B4GALNT2: variants seen among roughly 807,000 people sequenced by gnomAD.
B4GALNT2 encodes the protein beta-1,4-N-acetyl-galactosaminyltransferase 2 (SID blood group), also known as N-acetylneuraminylgalactosylglucosyl-glucoside beta-1,4-N- acetylgalactosaminyltransferase 2.
Under a neutral mutation model 51.1 loss-of-function variants are expected in B4GALNT2, and 42 were observed. That is an observed-to-expected ratio of 0.82 (90% CI 0.64 to 1.06). The LOEUF (loss-of-function observed/expected upper bound fraction) is 1.06, where lower values mean the gene tolerates loss of function less well. Ranked by LOEUF, B4GALNT2 falls within the 50% of genes least tolerant of loss-of-function variation. The pLI is 0.00. For missense variants in B4GALNT2, 602 were observed against 633.6 expected (o/e 0.95, Z 0.54); for synonymous variants, 253 against 251.7 (o/e 1.01, Z -0.05).
At position 49,175,436 on chromosome 17, in the gene B4GALNT2, A is replaced by G. The variant is rs2042981333; in HGVS notation, c.*5708A>G. 6.6e-6 allele frequency: 1 copy of G among 152,182 alleles called. No homozygotes were observed. The highest frequency in any genetic ancestry group is 2.1e-4 in the South Asian group (1 of 4,832). 9.4% of individuals were successfully genotyped at this position (152,182 alleles called of 1,614,324 possible). ...TTTGAATTTCCCCATTGTAATCTGA[A>G]TCAATGACTCCTGTATGTACTTGCA... On this transcript the variant is annotated 3_prime_UTR_variant, in exon 11 of 11. Coordinates refer to ENST00000393354, the MANE Select transcript of B4GALNT2 (RefSeq NM_001159387.2).
rs185055121 is a variant in B4GALNT2 at position 49,139,506 on chromosome 17, G to A, written c.15-1741G>A. Reference sequence around the variant, plus strand: ...CCCCCAAAGTGCTGGGATTACAGGCGTGAGACACCATGCCCAGCCTATTAT... The same window carrying A: ...CCCCCAAAGTGCTGGGATTACAGGCATGAGACACCATGCCCAGCCTATTAT... On this transcript the variant is annotated intron_variant, in intron 1 of 10. Coordinates refer to ENST00000393354, the MANE Select transcript of B4GALNT2 (RefSeq NM_001159387.2). Among the ~76,000 whole-genome samples the A allele has an allele frequency of 5.1e-3, 777 of 152,064 alleles. 9 individuals carry two copies. The highest frequency in any genetic ancestry group is 0.02 in the South Asian group (97 of 4,808).
chr17:49,160,124 T>C (rs1369121062), intron 6 of B4GALNT2, among the ~76,000 whole-genome samples: 1 of 152,286 alleles, frequency 6.6e-6, no homozygotes, highest in East Asian at 1.9e-4. Context: ...TTACAGATGA[T>C]ATTCATGACC....
At chr17:49,167,745 G>A (rs1272589905) in intron 9 of B4GALNT2, among the ~76,000 whole-genome samples, 1 of 151,882 alleles carries the variant, frequency 6.6e-6, no homozygotes, top group Admixed American at 6.6e-5. Flanking sequence ...GAGTAACTGG[G>A]ACCATAGGCA....
At chr17:49,120,390 C>T in the B4GALNT2 span, among the ~76,000 whole-genome samples, 1 of 152,020 alleles carries the variant, frequency 6.6e-6, no homozygotes, top group African/African-American at 2.4e-5. Context: ...GGAAAGGTCT[C>T]CTTGAGGAAC....
intron 3 of B4GALNT2, among the ~76,000 whole-genome samples, chr17:49,147,376 TTC>T (rs10579447): frequency 0.13 from 19,363 of 148,710 alleles, 1,533 homozygotes; most frequent in East Asian, 0.4. Flanking sequence ...TTTTCTTTCT[TTC>T]TTTTTTTTTT....
chr17:49,128,638 G>A (rs1258462237), upstream of B4GALNT2, among the ~76,000 whole-genome samples: 1 of 152,182 alleles, frequency 6.6e-6, no homozygotes, highest in Admixed American at 6.5e-5. Flanking sequence ...TTATAAAGTT[G>A]TCATTGTCCC....
intron 5 of B4GALNT2, among the ~76,000 whole-genome samples, chr17:49,158,717 G>C (rs558740471): frequency 6.9e-4 from 105 of 151,750 alleles, no homozygotes; most frequent in African/African-American, 2.5e-3. Context: ...AGGAAGAGGA[G>C]TTGTCAAAGA....
At chr17:49,153,425 A>T (rs1482776320) in intron 4 of B4GALNT2, among the ~76,000 whole-genome samples, 2 of 152,144 alleles carry the variant, frequency 1.3e-5, no homozygotes, top group Non-Finnish European at 2.9e-5. Context: ...AAAAATAGAT[A>T]AAAAATAAAT....
At chr17:49,146,839 T>C (rs12450701) in intron 3 of B4GALNT2, among the ~76,000 whole-genome samples, 25,089 of 152,166 alleles carry the variant, frequency 0.16, 2,375 homozygotes, top group East Asian at 0.44. Flanking sequence ...ACTTCTAAGA[T>C]TGGGCTCTCT....
the B4GALNT2 span, among the ~76,000 whole-genome samples, chr17:49,125,749 G>T: frequency 3.4e-5 from 4 of 116,462 alleles, 1 homozygote; most frequent in African/African-American, 1.2e-4. Context: ...GGAGGGAGGT[G>T]GGGGGGTCAG....
At chr17:49,126,374 G>A in the B4GALNT2 span, among the ~76,000 whole-genome samples, 10 of 152,120 alleles carry the variant, frequency 6.6e-5, no homozygotes, top group African/African-American at 2.2e-4. Flanking sequence ...GAAGGCTGCA[G>A]GGTGCTCTGC....
chr17:49,133,139 CG>C, intron 1 of B4GALNT2: 1 of 1,527,196 alleles, frequency 6.5e-7, no homozygotes, highest in South Asian at 1.3e-5. Context: ...GTGCGGGCTT[CG>C]GGGCTCTCTG....
chr17:49,135,157 A>G (rs2042578623), intron 1 of B4GALNT2, among the ~76,000 whole-genome samples: 1 of 152,228 alleles, frequency 6.6e-6, no homozygotes, highest in Non-Finnish European at 1.5e-5. Context: ...TAGAAAATTT[A>G]GAAGTTAAGA....
At chr17:49,165,670 C>T (rs1178515436) in intron 8 of B4GALNT2, among the ~76,000 whole-genome samples, 2 of 148,682 alleles carry the variant, frequency 1.3e-5, no homozygotes, top group African/African-American at 5.0e-5. Context: ...CCTTGCTACT[C>T]TTTCCCTCTC....
At chr17:49,138,013 G>A (rs577360161) in intron 1 of B4GALNT2, among the ~76,000 whole-genome samples, 1 of 152,230 alleles carries the variant, frequency 6.6e-6, no homozygotes, top group African/African-American at 2.4e-5. Flanking sequence ...TAATCAGATA[G>A]GCCCCACTTT....
chr17:49,132,510 G>T, upstream of B4GALNT2: 1 of 381,450 alleles, frequency 2.6e-6, no homozygotes, highest in Non-Finnish European at 4.6e-6. Flanking sequence ...AGGAAGGAAC[G>T]GTAGGGACCG....
In B4GALNT2 at chr17:49,159,235, G is replaced by A. The variant is rs1438032651; in HGVS notation, c.679+18G>A. 4 of 1,612,572 alleles carry A rather than the reference G, an allele frequency of 2.5e-6. No homozygotes were observed. Among genetic ancestry groups the A allele is most frequent in the Non-Finnish European group, 3.4e-6 (4 of 1,179,134 alleles). On this transcript the variant is annotated intron_variant, in intron 6 of 10. Coordinates refer to ENST00000393354, the MANE Select transcript of B4GALNT2 (RefSeq NM_001159387.2). ...AGACATAGGTGAGAGCCTGTCCTTGGAGTGCAAAATGCTTAGGGATCCAGA... is the reference window on the plus strand; with the variant it reads ...AGACATAGGTGAGAGCCTGTCCTTGAAGTGCAAAATGCTTAGGGATCCAGA...
intron 3 of B4GALNT2, among the ~76,000 whole-genome samples, chr17:49,143,094 CA>C (rs2042660189): frequency 6.6e-6 from 1 of 151,882 alleles, no homozygotes; most frequent in Non-Finnish European, 1.5e-5. Flanking sequence ...ACTAAAAATA[CA>C]AAAATTAGCT....
At chr17:49,153,184 G>T (rs551076950) in intron 4 of B4GALNT2, among the ~76,000 whole-genome samples, 1 of 152,156 alleles carries the variant, frequency 6.6e-6, no homozygotes, top group African/African-American at 2.4e-5. Flanking sequence ...GGAGGCTGAG[G>T]TGGGTGGACT....
Sources: allele counts gnomAD v4.1 joint callset (sites outside exome capture counted in the v4.1 genomes callset), GRCh38; gene constraint gnomAD v4.1.1; transcripts MANE v1.5; gene names NCBI Gene and HGNC (gene_info 2026-07-23, HGNC 2026-07-21).